VCAN: variants seen among roughly 807,000 people sequenced by gnomAD.
The protein encoded by VCAN is versican.
VCAN carries 44 observed loss-of-function variants against 245.5 expected under a neutral mutation model. That is an observed-to-expected ratio of 0.18 (90% CI 0.14 to 0.23). VCAN has a LOEUF of 0.23. Among genes scored for constraint, VCAN ranks in the 10% least tolerant of loss-of-function variants. The probability of loss-of-function intolerance (pLI) is 1.00; values close to 1 mark genes in which losing one functional copy is unlikely to be tolerated. For missense variants in VCAN, 3,793 were observed against 4,057.9 expected (o/e 0.93, Z 1.77); for synonymous variants, 1,413 against 1,437.0 (o/e 0.98, Z 0.38).
At chr5:83,563,965 C>T (rs529825952) in intron 12 of VCAN, among the ~76,000 whole-genome samples, 32 of 152,160 alleles carry the variant, frequency 2.1e-4, no homozygotes, top group African/African-American at 7.2e-4. Context: ...TGTAAATCAT[C>T]GGATAATTTT....
intron 12 of VCAN, 63 bp downstream of exon 12, chr5:83,555,101 T>A: frequency 6.0e-6 from 9 of 1,507,978 alleles, no homozygotes; most frequent in Non-Finnish European, 7.4e-6. Context: ...TGTGCACTGA[T>A]TGTGCATTAC....
chr5:83,537,571 C>A lies in VCAN; in HGVS notation c.4568C>A (p.Thr1523Lys). The change falls in exon 8 of 15, where the codon ACA (threonine) becomes AAA (lysine). Residue 1523 changes from threonine to lysine, a missense_variant. Transcript: ENST00000265077. ...GTAKKGAESVTERDTEVGHQA... is the reference protein window; with the variant it reads ...GTAKKGAESVKERDTEVGHQA... Reference sequence around the variant, plus strand: ...GCCAAAAAAGGGGCAGAATCAGTCACAGAGAGAGATACTGAAGTTGGTCAT... The same window carrying A: ...GCCAAAAAAGGGGCAGAATCAGTCAAAGAGAGAGATACTGAAGTTGGTCAT... 6.2e-7 allele frequency: 1 copy of A among 1,613,746 alleles called. No individual in the cohort carries two copies. Among genetic ancestry groups the A allele is most frequent in the Non-Finnish European group, 8.5e-7 (1 of 1,179,860 alleles).
rs763987927 is a variant in VCAN, at chr5:83,548,039, A to C, written c.9448A>C (p.Arg3150=). 1 of 1,614,070 alleles carries C rather than the reference A, an allele frequency of 6.2e-7. No homozygotes were observed. Among genetic ancestry groups the C allele is most frequent in the East Asian group, 2.2e-5 (1 of 44,852 alleles). ...ATCVDGFNTF[R]CLCLPSYVGA... ...TTGTGTTGATGGTTTTAACACATTCAGGTGCCTCTGCCTTCCAAGTTATGT... is the reference window on the plus strand; with the variant it reads ...TTGTGTTGATGGTTTTAACACATTCCGGTGCCTCTGCCTTCCAAGTTATGT... Residue 3150 remains arginine (R), a synonymous_variant, in exon 10 of 15, where the codon AGG becomes CGG. Coordinates refer to ENST00000265077, the MANE Select transcript of VCAN (RefSeq NM_004385.5).
Position 83,580,830 on chromosome 5 carries a change from G to C in VCAN, c.*396G>C, listed in dbSNP as rs1469191915. 1 of 292,202 alleles carries C rather than the reference G, an allele frequency of 3.4e-6. No individual in the cohort carries two copies. The allele number at this position is 292,202 out of a possible 1,614,324, so 18.1% of individuals were successfully genotyped here. On this transcript the variant is annotated 3_prime_UTR_variant, in exon 15 of 15. Transcript: ENST00000265077. ...TATATAAAATAAAAAGTCACAATGA[G>C]TTTGGGCATATTTAATGATGATTAT...
In VCAN at chr5:83,493,943, G is replaced by T; in HGVS notation, c.748+12G>T. 2 of 1,613,912 alleles carry T rather than the reference G, an allele frequency of 1.2e-6. No homozygotes were observed. Among genetic ancestry groups the T allele is most frequent in the South Asian group, 2.2e-5 (2 of 90,952 alleles). ...GGATCATCTGGATGGTAAGATGTTT[G>T]AGTTTCTATATCTTCGTATGAACTG... On this transcript the variant is annotated intron_variant, in intron 5 of 14. Transcript: ENST00000265077.
intron 5 of VCAN, among the ~76,000 whole-genome samples, chr5:83,509,219 A>C (rs1745576861): frequency 6.6e-6 from 1 of 152,220 alleles, no homozygotes; most frequent in Non-Finnish European, 1.5e-5. Context: ...TACTTCAAAC[A>C]AGTGAGTTAA....
At chr5:83,511,562 G>A (rs1277724837) in intron 5 of VCAN, among the ~76,000 whole-genome samples, 4 of 151,378 alleles carry the variant, frequency 2.6e-5, no homozygotes, top group Non-Finnish European at 5.9e-5. Flanking sequence ...ATTTCTGGAG[G>A]TTTTCTTATT....
intron 8 of VCAN, among the ~76,000 whole-genome samples, chr5:83,544,222 A>C (rs1213957281): frequency 6.6e-6 from 1 of 152,198 alleles, no homozygotes; most frequent in Non-Finnish European, 1.5e-5. Flanking sequence ...TGTTAGGGAG[A>C]TTTCAAATAG....
At chr5:83,535,460 G>T (rs574995184) in intron 7 of VCAN, among the ~76,000 whole-genome samples, 2 of 152,126 alleles carry the variant, frequency 1.3e-5, no homozygotes, top group African/African-American at 4.8e-5. Context: ...TTACATAAAA[G>T]TCTTATTGTC....
chr5:83,550,622 T>C (rs310539), intron 10 of VCAN, among the ~76,000 whole-genome samples: 1 of 152,118 alleles, frequency 6.6e-6, no homozygotes, highest in African/African-American at 2.4e-5. Context: ...CATGGTGGCT[T>C]ACGCCTGTAA....
intron 9 of VCAN, among the ~76,000 whole-genome samples, chr5:83,546,604 A>AT (rs1188128178): frequency 6.6e-6 from 1 of 151,418 alleles, no homozygotes. Context: ...AAAAAAAAAA[A>AT]AAATTAACCG....
chr5:83,565,879 C>G (rs1420494781), intron 12 of VCAN, among the ~76,000 whole-genome samples: 1 of 150,588 alleles, frequency 6.6e-6, no homozygotes, highest in Non-Finnish European at 1.5e-5. Flanking sequence ...AAAGATGAAC[C>G]CAAGAAAACT....
At chr5:83,500,475 T>A (rs1745299058) in intron 5 of VCAN, among the ~76,000 whole-genome samples, 2 of 152,132 alleles carry the variant, frequency 1.3e-5, no homozygotes, top group Non-Finnish European at 2.9e-5. Flanking sequence ...CCAGTAAGAT[T>A]GAGTGTGAGG....
chr5:83,513,196 A>T (rs954181468), intron 6 of VCAN, among the ~76,000 whole-genome samples: 1 of 152,214 alleles, frequency 6.6e-6, no homozygotes, highest in Non-Finnish European at 1.5e-5. Flanking sequence ...ATCTCATTGG[A>T]ATATTTACTG....
Position 83,519,975 on chromosome 5 carries a change from G to A in VCAN, c.1669G>A (p.Asp557Asn), listed in dbSNP as rs1472557838. The change falls in exon 7 of 15, where the codon GAT becomes AAT. Residue 557 changes from aspartate to asparagine, a missense_variant. By Grantham distance (23) the Asp-to-Asn change is conservative (BLOSUM62 1). This residue lies in a region of VCAN where 3,182 missense variants were observed against 3,250.3 expected (regional missense o/e 0.98). Coordinates refer to ENST00000265077, the MANE Select transcript of VCAN (RefSeq NM_004385.5). ...TGGATTCACCTTGGGAGAAGAGGAT[G>A]ATGAAGACAGAACACTTACAGTTGG... ...HYGFTLGEED[D>N]EDRTLTVGSD... 1 of 1,614,096 alleles carries A rather than the reference G, an allele frequency of 6.2e-7. No individual in the cohort carries two copies. The highest frequency in any genetic ancestry group is 8.5e-7 in the Non-Finnish European group (1 of 1,179,974).
chr5:83,494,821 A>C (rs993197295), intron 5 of VCAN, among the ~76,000 whole-genome samples: 1 of 151,806 alleles, frequency 6.6e-6, no homozygotes, highest in East Asian at 1.9e-4. Flanking sequence ...GTGTTGTGGC[A>C]TATGCCTGTA....
At chr5:83,548,234 T>C (rs2076296821) in intron 10 of VCAN, 150 bp downstream of exon 10, 1 of 710,532 alleles carries the variant, frequency 1.4e-6, no homozygotes, top group Non-Finnish European at 2.5e-6. Flanking sequence ...AATCATAGTG[T>C]TGACTTGATT....
chr5:83,556,695 A>T (rs61523168), intron 12 of VCAN, among the ~76,000 whole-genome samples: 12,916 of 152,184 alleles, frequency 0.085, 603 homozygotes, highest in South Asian at 0.096. Context: ...GGCCTATTAG[A>T]TTAATAGCGA....
At chr5:83,560,290 T>C (rs1747818864) in intron 12 of VCAN, among the ~76,000 whole-genome samples, 1 of 152,140 alleles carries the variant, frequency 6.6e-6, no homozygotes, top group Non-Finnish European at 1.5e-5. Flanking sequence ...GATTTTTTTT[T>C]CCAGATAGGC....
Sources: gnomAD v4.1 joint callset for allele counts (sites outside exome capture counted in the v4.1 genomes callset) on GRCh38, gnomAD v4.1.1 for gene constraint, gnomAD v4.1.1 regional missense constraint, MANE v1.5 for transcripts, NCBI Gene and HGNC (gene_info 2026-07-23, HGNC 2026-07-21) for gene names.